The following MGAT4C variants were observed in gnomAD, a reference collection of about 807,000 sequenced individuals.
MGAT4C encodes MGAT4 family member C, also known as alpha-1,3-mannosyl-glycoprotein 4-beta-N-acetylglucosaminyltransferase C.
Under a neutral mutation model 40.1 loss-of-function variants are expected in MGAT4C, and 19 were observed. The observed-to-expected ratio is 0.47, with a 90% CI of 0.33 to 0.70. The LOEUF (loss-of-function observed/expected upper bound fraction) is 0.70, where lower values mean the gene tolerates loss of function less well. Among genes scored for constraint, MGAT4C ranks in the 30% least tolerant of loss-of-function variants. The pLI, the probability that MGAT4C is intolerant of heterozygous loss-of-function variation, is 0.02. For synonymous variants in MGAT4C, 181 were observed against 187.1 expected, an observed-to-expected ratio of 0.97 and a Z score of 0.27; for missense variants, 491 against 563.2, an observed-to-expected ratio of 0.87 and a Z score of 1.30.
chr12:86,155,024 A>AT (rs932175265), intron 1 of MGAT4C, among the ~76,000 whole-genome samples: 2 of 152,168 alleles, frequency 1.3e-5, no homozygotes, highest in African/African-American at 4.8e-5. Context: ...GATAATTTAA[A>AT]TTAAGTGGTC....
At chr12:86,655,193 AGCCCCCAATCGGCCCGGGTGT>A (rs775831920) in intron 2 of MGAT4C, among the ~76,000 whole-genome samples, 57 of 151,900 alleles carry the variant, frequency 3.8e-4, no homozygotes, top group Non-Finnish European at 5.4e-4. Flanking sequence ...CCTGTCCCCC[AGCCCCCAATCGGCCCGGGTGT>A]GTGATGTTCC....
intron 1 of MGAT4C, among the ~76,000 whole-genome samples, chr12:86,780,215 C>A (rs1452411292): frequency 1.3e-5 from 2 of 152,072 alleles, no homozygotes; most frequent in Non-Finnish European, 2.9e-5. Context: ...AACTCAAAAG[C>A]CATGAATCTT....
At chr12:86,749,485 A>C (rs1951202558) in intron 1 of MGAT4C, among the ~76,000 whole-genome samples, 1 of 151,762 alleles carries the variant, frequency 6.6e-6, no homozygotes, top group African/African-American at 2.4e-5. Flanking sequence ...TTTAAAAGAC[A>C]GTTCATTGCC....
intron 1 of MGAT4C, among the ~76,000 whole-genome samples, chr12:86,100,794 C>T (rs570460136): frequency 6.6e-6 from 1 of 151,532 alleles, no homozygotes; most frequent in East Asian, 1.9e-4. Flanking sequence ...GGATTTTTTT[C>T]CACCTGTTTC....
intron 1 of MGAT4C, among the ~76,000 whole-genome samples, chr12:86,171,521 G>A (rs1056700267): frequency 2.0e-5 from 3 of 152,172 alleles, no homozygotes; most frequent in Middle Eastern, 3.4e-3. Context: ...CATTCTAATG[G>A]CTCATTAAAA....
Position 85,977,724 on chromosome 12 carries a change from G to T in MGAT4C, c.*1565C>A, listed in dbSNP as rs560536156. On this transcript the variant is annotated 3_prime_UTR_variant, in exon 5 of 5. Transcript: ENST00000611864. ...AATCTTAAGGATTGTGTTTCAGTAT[G>T]AAAAGGAAGAGCAGGAAGATTTCCT... The T allele has an allele frequency of 6.7e-6, 1 of 150,070 alleles. No individual in the cohort carries two copies. Among genetic ancestry groups the T allele is most frequent in the African/African-American group, 2.4e-5 (1 of 40,920 alleles). 9.3% of individuals were successfully genotyped at this position (150,070 alleles called of 1,614,324 possible). A position where few individuals can be genotyped will look rare whatever the true frequency, so the allele number is the denominator to read the frequency against.
intron 2 of MGAT4C, among the ~76,000 whole-genome samples, chr12:86,030,714 T>C (rs574802759): frequency 6.6e-6 from 1 of 151,928 alleles, no homozygotes; most frequent in African/African-American, 2.4e-5. Flanking sequence ...AAGCACATTT[T>C]ATTATTAAAT....
chr12:86,647,439 A>C (rs1310230882), intron 2 of MGAT4C, among the ~76,000 whole-genome samples: 1 of 151,886 alleles, frequency 6.6e-6, no homozygotes, highest in African/African-American at 2.4e-5. Flanking sequence ...TGTTTATGTA[A>C]ATTGATCAAG....
At chr12:86,520,493 G>A (rs1220333141) in intron 2 of MGAT4C, among the ~76,000 whole-genome samples, 3 of 152,082 alleles carry the variant, frequency 2.0e-5, no homozygotes, top group African/African-American at 7.2e-5. Flanking sequence ...CATTTAGGTT[G>A]ACTCCTTATC....
chr12:86,416,913 T>A (rs1956729458), intron 3 of MGAT4C, among the ~76,000 whole-genome samples: 1 of 152,024 alleles, frequency 6.6e-6, no homozygotes, highest in Admixed American at 6.6e-5. Flanking sequence ...AATCCAGAAG[T>A]CAGAAAAAGC....
intron 2 of MGAT4C, among the ~76,000 whole-genome samples, chr12:86,444,050 CATTT>C (rs1957289502): frequency 6.6e-6 from 1 of 152,174 alleles, no homozygotes; most frequent in Non-Finnish European, 1.5e-5. Context: ...TCTACTACTT[CATTT>C]GTCTCTCTAG....
chr12:86,540,619 C>T (rs958119620), intron 2 of MGAT4C, among the ~76,000 whole-genome samples: 2 of 152,056 alleles, frequency 1.3e-5, no homozygotes, highest in Non-Finnish European at 2.9e-5. Flanking sequence ...GCCTGTAGTC[C>T]CAGCTACTCA....
intron 2 of MGAT4C, among the ~76,000 whole-genome samples, chr12:86,706,969 C>A (rs2136624852): frequency 6.6e-6 from 1 of 152,164 alleles, no homozygotes; most frequent in East Asian, 1.9e-4. Flanking sequence ...TTTCCCTGCA[C>A]AAGCTATCTC....
chr12:86,123,699 G>T (rs1232089887), intron 1 of MGAT4C, among the ~76,000 whole-genome samples: 1 of 151,994 alleles, frequency 6.6e-6, no homozygotes, highest in Admixed American at 6.6e-5. Flanking sequence ...TGTCTTTATA[G>T]TAAAAACGAT....
intron 2 of MGAT4C, among the ~76,000 whole-genome samples, chr12:86,552,980 T>C (rs1959438904): frequency 1.3e-5 from 2 of 152,120 alleles, no homozygotes. Context: ...AGTCACATTC[T>C]AGTTTGATAT....
rs373512076 is a variant in MGAT4C at position 86,012,967 on chromosome 12, T to TA, written c.-6-23416dup. Among the ~76,000 whole-genome samples, 399 of 145,950 alleles carry TA rather than the reference T, an allele frequency of 2.7e-3. 3 individuals are homozygous for TA. Among genetic ancestry groups the TA allele is most frequent in the South Asian group, 0.016 (71 of 4,520 alleles). On this transcript the variant is annotated intron_variant, in intron 2 of 4. Coordinates refer to ENST00000611864, the MANE Select transcript of MGAT4C (RefSeq NM_001351288.2). Reference sequence around the variant, plus strand: ...AGTGAGGCATCATCTCCACGAAAATTAAAAAAAAAAAAAATTAGCCACGGT... The same window carrying TA: ...AGTGAGGCATCATCTCCACGAAAATTAAAAAAAAAAAAAAATTAGCCACGGT...
chr12:86,477,605 T>A (rs538194357), intron 2 of MGAT4C, among the ~76,000 whole-genome samples: 24 of 152,096 alleles, frequency 1.6e-4, no homozygotes, highest in South Asian at 1.2e-3. Context: ...ATATATATAT[T>A]TTTATTATAC....
At chr12:86,148,755 AT>A (rs549389306) in intron 1 of MGAT4C, among the ~76,000 whole-genome samples, 61 of 152,316 alleles carry the variant, frequency 4.0e-4, no homozygotes, top group African/African-American at 1.3e-3. Context: ...ATAGACACAC[AT>A]TTTTAATACA....
chr12:86,446,096 T>C (rs1592857765), intron 2 of MGAT4C, among the ~76,000 whole-genome samples: 1 of 152,142 alleles, frequency 6.6e-6, no homozygotes, highest in East Asian at 1.9e-4. Context: ...TGCACACATA[T>C]AGCTACACAT....
Sources: gnomAD v4.1 joint callset for allele counts (sites outside exome capture counted in the v4.1 genomes callset) on GRCh38, gnomAD v4.1.1 for gene constraint, MANE v1.5 for transcripts, NCBI Gene and HGNC (gene_info 2026-07-23, HGNC 2026-07-21) for gene names.